Variants in JADE2 observed in about 807,000 individuals in gnomAD.
JADE2 encodes the protein jade family PHD finger 2.
In JADE2, 13 loss-of-function variants were observed where a neutral mutation model predicts 85.7. That is an observed-to-expected ratio of 0.15 (90% CI 0.10 to 0.24). JADE2 has a LOEUF of 0.24. Ranked by LOEUF, JADE2 falls within the 10% of genes least tolerant of loss-of-function variation. JADE2 has a pLI of 1.00. For missense variants in JADE2, 846 were observed against 1,115.9 expected (o/e 0.76, Z 3.45); for synonymous variants, 440 against 456.1 (o/e 0.96, Z 0.45).
chr5:134,542,141 C>T (rs867509836), intron 3 of JADE2, among the ~76,000 whole-genome samples: 7 of 152,248 alleles, frequency 4.6e-5, no homozygotes, highest in Admixed American at 1.3e-4. Flanking sequence ...GGAGCTGCCC[C>T]TGAGAACTCA....
At chr5:134,538,726 A>G (rs956388129) in intron 3 of JADE2, among the ~76,000 whole-genome samples, 7 of 152,084 alleles carry the variant, frequency 4.6e-5, no homozygotes, top group African/African-American at 1.7e-4. Context: ...CTAGGGCCTT[A>G]TTGCTCCTTC....
At chr5:134,568,565 A>G (rs1763792637) in intron 9 of JADE2, among the ~76,000 whole-genome samples, 1 of 152,170 alleles carries the variant, frequency 6.6e-6, no homozygotes, top group Non-Finnish European at 1.5e-5. Flanking sequence ...CTCTGGGAAG[A>G]GGAAGCAGGG....
At chr5:134,551,152 A>C (rs1224203718) in intron 3 of JADE2, among the ~76,000 whole-genome samples, 1 of 152,206 alleles carries the variant, frequency 6.6e-6, no homozygotes, top group African/African-American at 2.4e-5. Context: ...GCAGATAGAT[A>C]ACATGATTGT....
intron 3 of JADE2, among the ~76,000 whole-genome samples, chr5:134,539,215 C>T (rs948556905): frequency 1.3e-5 from 2 of 152,014 alleles, no homozygotes; most frequent in Admixed American, 1.3e-4. Context: ...GCGCCCGCCA[C>T]CACACCCGGC....
At chr5:134,553,647 C>T (rs755393970) in intron 4 of JADE2, among the ~76,000 whole-genome samples, 9 of 152,228 alleles carry the variant, frequency 5.9e-5, no homozygotes, top group Admixed American at 1.3e-4. Context: ...CCACTGCGCC[C>T]GGCCGTAAGC....
chr5:134,565,545 C>G (rs925076563), intron 8 of JADE2, among the ~76,000 whole-genome samples: 5 of 152,184 alleles, frequency 3.3e-5, no homozygotes, highest in Non-Finnish European at 5.9e-5. Flanking sequence ...ATTTTGCCCA[C>G]ACAAAAATGC....
At chr5:134,577,079 G>C (rs75651118) in intron 11 of JADE2, 183 bp downstream of exon 11, 1 of 647,634 alleles carries the variant, frequency 1.5e-6, no homozygotes, top group Non-Finnish European at 2.5e-6. Context: ...AGATCTCAGA[G>C]CCCCGTGTGA....
At chr5:134,568,887 C>T (rs1265824633) in intron 9 of JADE2, among the ~76,000 whole-genome samples, 1 of 152,234 alleles carries the variant, frequency 6.6e-6, no homozygotes, top group Non-Finnish European at 1.5e-5. Context: ...AGTCTCGGAC[C>T]GTGGCCCAGT....
chr5:134,561,528 T>G (rs919539272), intron 6 of JADE2, among the ~76,000 whole-genome samples: 6 of 144,694 alleles, frequency 4.1e-5, no homozygotes, highest in Non-Finnish European at 7.8e-5. Context: ...CCCCTTGGTT[T>G]GGGGCCCAAG....
At chr5:134,558,748 G>T (rs956632043) in intron 4 of JADE2, among the ~76,000 whole-genome samples, 4 of 152,238 alleles carry the variant, frequency 2.6e-5, no homozygotes, top group African/African-American at 9.6e-5. Context: ...ATGTTGGTCA[G>T]GCTGGTCTCG....
chr5:134,573,469 A>C (rs547816795), intron 9 of JADE2, among the ~76,000 whole-genome samples, 176 bp from the exon 10 acceptor site: 1 of 152,206 alleles, frequency 6.6e-6, no homozygotes, highest in Non-Finnish European at 1.5e-5. Flanking sequence ...CATGCAGCAC[A>C]GGGCTGAGGA....
At position 134,562,139 on chromosome 5, in the gene JADE2, C is replaced by T. The variant is rs329304; in HGVS notation, c.685-61C>T. 681,620 of 1,513,504 alleles carry T rather than the reference C, an allele frequency of 0.45. 156,598 individuals carry two copies. Among genetic ancestry groups the T allele is most frequent in the Non-Finnish European group, 0.47 (524,120 of 1,118,184 alleles). 93.8% of individuals were successfully genotyped at this position (1,513,504 alleles called of 1,614,324 possible). The stretch of plus-strand genomic sequence containing the variant: ...CTGGCACTGGACCAAATGCAGCTGA[C>T]TGCTGACCAGACACAGATTGGCCAG... On this transcript the variant is annotated intron_variant, in intron 6 of 11. Coordinates refer to ENST00000681547, the MANE Select transcript of JADE2 (RefSeq NM_001388185.1). This position sits in a 1 kb window ranked among gnomAD's most constrained non-coding sequence, Gnocchi z 4.6.
In JADE2 at chr5:134,566,488, A is replaced by G; in HGVS notation, c.1342A>G (p.Thr448Ala). 1 of 1,612,200 alleles carries G rather than the reference A, an allele frequency of 6.2e-7. No homozygotes were observed. Residue 448 changes from threonine to alanine, a missense_variant, in exon 9 of 12, where the codon ACC (threonine) becomes GCC (alanine). Thr to Ala is a moderately conservative substitution (Grantham distance 58). This residue lies in a region of JADE2 where 88 missense variants were observed against 140.6 expected (regional missense o/e 0.63). Coordinates refer to ENST00000681547, the MANE Select transcript of JADE2 (RefSeq NM_001388185.1). This position sits in a 1 kb window ranked among gnomAD's most constrained non-coding sequence, Gnocchi z 6.7. ...NANQPLLTPK[T>A]DEVDNLAQQE... ...CAACCAGCCGCTGCTGACCCCCAAG[A>G]CCGACGAGGTGGACAACCTGGCCCA...
intron 3 of JADE2, among the ~76,000 whole-genome samples, chr5:134,549,597 C>CA (rs1335456775): frequency 6.6e-6 from 1 of 151,936 alleles, no homozygotes; most frequent in Non-Finnish European, 1.5e-5. Context: ...GCAGAGGCTG[C>CA]AGTGAACCGA....
At chr5:134,553,190 C>G (rs1009911589) in intron 4 of JADE2, among the ~76,000 whole-genome samples, 26 of 151,294 alleles carry the variant, frequency 1.7e-4, no homozygotes. Context: ...AGGCTAGTCT[C>G]TAACTCCTGG....
intron 4 of JADE2, among the ~76,000 whole-genome samples, chr5:134,557,215 G>GATT (rs758803300): frequency 9.6e-4 from 143 of 149,668 alleles, no homozygotes; most frequent in Non-Finnish European, 1.4e-3. Flanking sequence ...TGATGATGAT[G>GATT]ATGATGATTA....
chr5:134,538,119 A>T (rs1210630119), intron 3 of JADE2, 36 bp downstream of exon 3: 2 of 1,515,530 alleles, frequency 1.3e-6, no homozygotes, highest in South Asian at 2.2e-5. Context: ...ATCTGTGGGG[A>T]GTGAGAGTGA....
At chr5:134,539,742 G>C (rs1189656162) in intron 3 of JADE2, among the ~76,000 whole-genome samples, 1 of 152,236 alleles carries the variant, frequency 6.6e-6, no homozygotes, top group Non-Finnish European at 1.5e-5. Flanking sequence ...GGATGTCTTT[G>C]CTCCATGCTG....
chr5:134,572,573 G>A (rs958455630), intron 9 of JADE2, among the ~76,000 whole-genome samples: 1 of 152,242 alleles, frequency 6.6e-6, no homozygotes, highest in Non-Finnish European at 1.5e-5. Flanking sequence ...CCTGGTCCCA[G>A]CTGGAAAGAC....
Sources: allele counts gnomAD v4.1 joint callset (sites outside exome capture counted in the v4.1 genomes callset), GRCh38; gene constraint gnomAD v4.1.1; regional missense constraint gnomAD v4.1.1; non-coding constraint Gnocchi (gnomAD v3.1); transcripts MANE v1.5; gene names NCBI Gene and HGNC (gene_info 2026-07-23, HGNC 2026-07-21).